Variants in AUH observed in about 807,000 individuals in gnomAD.
The protein encoded by AUH is methylglutaconyl-CoA hydratase, mitochondrial.
AUH carries 29 observed loss-of-function variants against 42.3 expected under a neutral mutation model. That is an observed-to-expected ratio of 0.69 (90% CI 0.51 to 0.93). The LOEUF is 0.93. Ranked by LOEUF, AUH falls within the 40% of genes least tolerant of loss-of-function variation. The pLI is 0.00. For missense variants in AUH, 452 were observed against 438.1 expected (o/e 1.03, Z -0.28); for synonymous variants, 174 against 166.4 (o/e 1.05, Z -0.35).
At chr9:91,321,262 A>G (rs1053366536) in intron 4 of AUH, among the ~76,000 whole-genome samples, 1 of 152,216 alleles carries the variant, frequency 6.6e-6, no homozygotes, top group African/African-American at 2.4e-5. Context: ...AAGTTTAATC[A>G]ACTAACATTA....
chr9:91,322,762 G>A (rs865966252), intron 4 of AUH, among the ~76,000 whole-genome samples: 2 of 152,090 alleles, frequency 1.3e-5, no homozygotes, highest in African/African-American at 4.8e-5. Flanking sequence ...TCTCCTTTAT[G>A]ATTCTACCAA....
At chr9:91,239,685 T>G (rs1828390530) in intron 6 of AUH, among the ~76,000 whole-genome samples, 1 of 152,240 alleles carries the variant, frequency 6.6e-6, no homozygotes, top group Non-Finnish European at 1.5e-5. Flanking sequence ...GACCAATGTT[T>G]AAAGTGTTGT....
chr9:91,324,719 C>T (rs562849090), intron 4 of AUH, among the ~76,000 whole-genome samples: 20 of 149,864 alleles, frequency 1.3e-4, no homozygotes, highest in African/African-American at 4.9e-4. Context: ...TGTCTTTAAC[C>T]GATGGGAATA....
At chr9:91,310,341 C>A (rs1828605038) in intron 4 of AUH, among the ~76,000 whole-genome samples, 1 of 152,120 alleles carries the variant, frequency 6.6e-6, no homozygotes, top group Non-Finnish European at 1.5e-5. Flanking sequence ...GAAGGTTCAG[C>A]CTGAAGATAA....
chr9:91,264,243 T>C (rs1829851894), intron 6 of AUH, among the ~76,000 whole-genome samples: 1 of 152,198 alleles, frequency 6.6e-6, no homozygotes, highest in South Asian at 2.1e-4. Flanking sequence ...CTACAATAAA[T>C]TTTAAAAATC....
At chr9:91,284,930 C>T (rs926765436) in intron 6 of AUH, among the ~76,000 whole-genome samples, 7 of 152,110 alleles carry the variant, frequency 4.6e-5, no homozygotes, top group African/African-American at 1.7e-4. Context: ...GAACTAGAAA[C>T]ACCATTTGAC....
In AUH at chr9:91,325,799, A is replaced by C. The variant is rs141183561; in HGVS notation, c.419-395T>G. Reference sequence around the variant, plus strand: ...TAACATAAATAATGACAAATTGGTGACACCACCTTGCTGCTTTGCAAGGTG... The same window carrying C: ...TAACATAAATAATGACAAATTGGTGCCACCACCTTGCTGCTTTGCAAGGTG... On this transcript the variant is annotated intron_variant, in intron 3 of 9. Coordinates refer to ENST00000375731, the MANE Select transcript of AUH (RefSeq NM_001698.3). Among the ~76,000 whole-genome samples, 187 of 152,338 alleles carry C rather than the reference A, an allele frequency of 1.2e-3. 3 individuals are homozygous for C. The highest frequency in any genetic ancestry group is 6.6e-3 in the East Asian group (34 of 5,178).
At chr9:91,216,036 G>C (rs200626882) in intron 9 of AUH, 23 bp downstream of exon 9, 1 of 1,596,778 alleles carries the variant, frequency 6.3e-7, no homozygotes, top group Non-Finnish European at 8.6e-7. Context: ...CATCCTCATT[G>C]AATTTGTGAT....
intron 3 of AUH, among the ~76,000 whole-genome samples, chr9:91,326,563 T>TG (rs1176251656): frequency 6.6e-6 from 1 of 152,194 alleles, no homozygotes; most frequent in East Asian, 1.9e-4. Flanking sequence ...ATAATATTAT[T>TG]GAAAAAGTAT....
chr9:91,304,979 G>A (rs1017535980), intron 4 of AUH, among the ~76,000 whole-genome samples: 1 of 152,008 alleles, frequency 6.6e-6, no homozygotes, highest in Non-Finnish European at 1.5e-5. Context: ...ATATTACATG[G>A]AAAAATTTGG....
At chr9:91,356,039 AATAAT>A in intron 2 of AUH, 44 bp downstream of exon 2, 1 of 1,595,182 alleles carries the variant, frequency 6.3e-7, no homozygotes, top group African/African-American at 1.3e-5. Context: ...CATTGATGAC[AATAAT>A]ATATCTTAAT....
At chr9:91,264,879 C>A (rs1829889014) in intron 6 of AUH, among the ~76,000 whole-genome samples, 1 of 152,160 alleles carries the variant, frequency 6.6e-6, no homozygotes, top group Admixed American at 6.5e-5. Flanking sequence ...TCTATATACA[C>A]CTCAGGTACA....
chr9:91,239,156 G>GTTT (rs35479845), intron 6 of AUH, among the ~76,000 whole-genome samples: 78 of 145,610 alleles, frequency 5.4e-4, no homozygotes, highest in East Asian at 1.7e-3. Flanking sequence ...TTTTTGTTCT[G>GTTT]TTTTTTTTTT....
intron 6 of AUH, among the ~76,000 whole-genome samples, chr9:91,222,215 TG>T (rs1341385448): frequency 3.3e-5 from 5 of 152,172 alleles, no homozygotes; most frequent in African/African-American, 1.2e-4. Flanking sequence ...AATCATTTTT[TG>T]TTCACACCTC....
intron 6 of AUH, among the ~76,000 whole-genome samples, chr9:91,278,100 T>C (rs763366539): frequency 6.2e-4 from 94 of 152,012 alleles, no homozygotes; most frequent in Non-Finnish European, 1.0e-4. Context: ...GGGGAAGAAA[T>C]TGTAGGAAAA....
At chr9:91,275,134 TC>T (rs1408414233) in intron 6 of AUH, among the ~76,000 whole-genome samples, 2 of 152,218 alleles carry the variant, frequency 1.3e-5, no homozygotes, top group Non-Finnish European at 2.9e-5. Context: ...TTCATTCCTG[TC>T]ATCCTCCCAA....
At chr9:91,316,526 C>T (rs1027939741) in intron 4 of AUH, among the ~76,000 whole-genome samples, 1 of 152,222 alleles carries the variant, frequency 6.6e-6, no homozygotes, top group Non-Finnish European at 1.5e-5. Flanking sequence ...TGGTAATCCA[C>T]TTAACTCACT....
chr9:91,299,196 G>A (rs970958954), intron 4 of AUH, among the ~76,000 whole-genome samples: 1 of 152,166 alleles, frequency 6.6e-6, no homozygotes, highest in Non-Finnish European at 1.5e-5. Context: ...TCCAGCCTGG[G>A]TGACAGAGTG....
intron 3 of AUH, among the ~76,000 whole-genome samples, chr9:91,330,020 C>G (rs1417618495): frequency 6.6e-6 from 1 of 151,892 alleles, no homozygotes; most frequent in African/African-American, 2.4e-5. Flanking sequence ...ATAAAACTTA[C>G]AAGGATTGAA....
Sources: allele counts gnomAD v4.1 joint callset (sites outside exome capture counted in the v4.1 genomes callset), GRCh38; gene constraint gnomAD v4.1.1; transcripts MANE v1.5; gene names NCBI Gene and HGNC (gene_info 2026-07-23, HGNC 2026-07-21).